Variants in KAZN observed in about 807,000 individuals in gnomAD.
KAZN encodes kazrin.
A neutral mutation model predicts 87.4 loss-of-function variants in KAZN; 40 were observed. The observed-to-expected ratio is 0.46, with a 90% CI of 0.36 to 0.60. The LOEUF is 0.60. KAZN is among the 20% of genes least tolerant of loss of function. KAZN has a pLI of 0.00. For synonymous variants in KAZN, 466 were observed against 458.3 expected (o/e 1.02, Z -0.22); for missense variants, 898 against 1,073.9 (o/e 0.84, Z 2.29).
intron 1 of KAZN, among the ~76,000 whole-genome samples, chr1:14,139,259 A>G (rs530078446): frequency 6.6e-6 from 1 of 152,266 alleles, no homozygotes; most frequent in East Asian, 1.9e-4. Context: ...CTGAAGGGAG[A>G]AGGTAAGCTG....
chr1:14,173,851 G>A (rs1043478628), intron 1 of KAZN, among the ~76,000 whole-genome samples: 2 of 152,074 alleles, frequency 1.3e-5, no homozygotes, highest in African/African-American at 4.8e-5. Context: ...ACTTGGGAGT[G>A]GAATCAGCCC....
intron 2 of KAZN, among the ~76,000 whole-genome samples, chr1:14,290,891 G>A (rs1653633507): frequency 1.3e-5 from 2 of 152,098 alleles, no homozygotes; most frequent in Admixed American, 1.3e-4. Context: ...GTTGATATTG[G>A]TGCTATTCCT....
At chr1:14,883,419 G>GAAAGAAAGAA (rs1653697819) in intron 1 of KAZN, among the ~76,000 whole-genome samples, 1 of 149,176 alleles carries the variant, frequency 6.7e-6, no homozygotes, top group Non-Finnish European at 1.5e-5. Context: ...AAGAAAGAAA[G>GAAAGAAAGAA]AAAGAAAAGC....
At chr1:14,356,245 T>G (rs1659017229) in intron 2 of KAZN, among the ~76,000 whole-genome samples, 2 of 151,978 alleles carry the variant, frequency 1.3e-5, no homozygotes, top group Non-Finnish European at 2.9e-5. Flanking sequence ...AAGTGTCTGT[T>G]CATATCCTTT....
chr1:14,682,037 A>T (rs1190550123), intron 1 of KAZN, among the ~76,000 whole-genome samples: 1 of 151,834 alleles, frequency 6.6e-6, no homozygotes, highest in Admixed American at 6.6e-5. Flanking sequence ...TTACATCCAC[A>T]TTGTTGCGCA....
chr1:14,210,870 T>C (rs1646839885), intron 2 of KAZN, among the ~76,000 whole-genome samples: 1 of 152,202 alleles, frequency 6.6e-6, no homozygotes, highest in Non-Finnish European at 1.5e-5. Context: ...ATCTTAAATC[T>C]GCTCCTACAA....
intron 2 of KAZN, among the ~76,000 whole-genome samples, chr1:14,578,603 A>C (rs1446942313): frequency 6.6e-6 from 1 of 152,174 alleles, no homozygotes; most frequent in Non-Finnish European, 1.5e-5. Flanking sequence ...ATTTAAATGA[A>C]TCAAGTCTTG....
At chr1:14,078,455 A>T (rs1239302627) in intron 1 of KAZN, among the ~76,000 whole-genome samples, 1 of 152,214 alleles carries the variant, frequency 6.6e-6, no homozygotes, top group African/African-American at 2.4e-5. Flanking sequence ...GCTGTAAGAG[A>T]GGGACCAAAT....
intron 2 of KAZN, among the ~76,000 whole-genome samples, chr1:14,484,668 C>A (rs1244816279): frequency 6.6e-6 from 1 of 152,188 alleles, no homozygotes; most frequent in Non-Finnish European, 1.5e-5. Flanking sequence ...TCTGCTCATC[C>A]AAGACTCGGC....
chr1:14,815,173 TG>T (rs1333039845), intron 1 of KAZN, among the ~76,000 whole-genome samples: 1 of 152,158 alleles, frequency 6.6e-6, no homozygotes, highest in Non-Finnish European at 1.5e-5. Context: ...TCAGGGTCTA[TG>T]TGGGTCACTG....
At chr1:14,416,371 T>G (rs1417095155) in intron 2 of KAZN, among the ~76,000 whole-genome samples, 2 of 152,192 alleles carry the variant, frequency 1.3e-5, no homozygotes, top group Non-Finnish European at 2.9e-5. Flanking sequence ...CAGAATCAAG[T>G]AACAGTTGGG....
intron 2 of KAZN, among the ~76,000 whole-genome samples, chr1:14,450,128 G>A (rs959096948): frequency 5.4e-5 from 8 of 146,820 alleles, no homozygotes; most frequent in East Asian, 4.0e-4. Flanking sequence ...CTGCCCCCCC[G>A]CCTGCAGTCT....
chr1:13,996,041 G>A (rs12754678), intron 1 of KAZN, among the ~76,000 whole-genome samples: 29 of 150,542 alleles, frequency 1.9e-4, no homozygotes, highest in African/African-American at 6.8e-4. Context: ...TCATCACAAC[G>A]GACTAGGAGG....
intron 1 of KAZN, among the ~76,000 whole-genome samples, chr1:13,904,333 G>A (rs1010161090): frequency 3.3e-5 from 5 of 152,178 alleles, no homozygotes; most frequent in Non-Finnish European, 7.3e-5. Flanking sequence ...GCAACACCCT[G>A]TGGCCTGTTA....
chr1:14,089,159 C>T (rs1264324972), intron 1 of KAZN, among the ~76,000 whole-genome samples: 2 of 151,808 alleles, frequency 1.3e-5, no homozygotes, highest in Non-Finnish European at 2.9e-5. Flanking sequence ...TTTTTATATT[C>T]TTTTAAAATT....
intron 1 of KAZN, among the ~76,000 whole-genome samples, chr1:14,143,551 T>C (rs935019664): frequency 9.8e-5 from 15 of 152,302 alleles, no homozygotes; most frequent in Admixed American, 2.0e-4. Context: ...ACCAGTGTAA[T>C]TGTGTCAGAA....
chr1:14,888,537 C>A lies in KAZN; in HGVS notation c.227-72147C>A, dbSNP rs1342608207. On this transcript the variant is annotated intron_variant, in intron 1 of 14. Transcript: ENST00000376030. ...GGGCCACTTCGACCAGATTTTACCC[C>A]TCAAATATAGCTTTTTGCGTGACTA... Among the ~76,000 whole-genome samples the A allele has an allele frequency of 2.0e-5, 3 of 152,178 alleles. No homozygotes were observed. In the East Asian group the frequency reaches 5.8e-4, roughly 29 times the overall value.
intron 11 of KAZN, among the ~76,000 whole-genome samples, chr1:15,102,613 G>A (rs190191039): frequency 6.6e-6 from 1 of 152,308 alleles, no homozygotes; most frequent in Non-Finnish European, 1.5e-5. Context: ...GGACAGAAGA[G>A]GGGGCCATCC....
Position 15,104,043 on chromosome 1 carries a change from C to T in KAZN, c.1902C>T (p.Thr634=), listed in dbSNP as rs745446583. The change falls in exon 13 of 15, where the codon ACC becomes ACT. Residue 634 remains threonine (T), a synonymous_variant. Coordinates refer to ENST00000376030, the MANE Select transcript of KAZN (RefSeq NM_201628.3). ...IDLKEYADNL[T]NSGVHGAVLV... Reference sequence around the variant, plus strand: ...CCCAGGAGTACGCAGACAACCTGACCAACAGCGGCGTCCATGGTGCTGTGC... The same window carrying T: ...CCCAGGAGTACGCAGACAACCTGACTAACAGCGGCGTCCATGGTGCTGTGC... The T allele has an allele frequency of 2.9e-5, 47 of 1,613,608 alleles. No homozygotes were observed. Among genetic ancestry groups the T allele is most frequent in the Admixed American group, 1.0e-4 (6 of 59,968 alleles).
Sources: allele counts gnomAD v4.1 joint callset (sites outside exome capture counted in the v4.1 genomes callset), GRCh38; gene constraint gnomAD v4.1.1; transcripts MANE v1.5; gene names NCBI Gene and HGNC (gene_info 2026-07-23, HGNC 2026-07-21).